Variants in SVIL observed in about 807,000 individuals in gnomAD.
The protein encoded by SVIL is archvillin.
Under a neutral mutation model 240.4 loss-of-function variants are expected in SVIL, and 101 were observed. The ratio of observed to expected loss-of-function variants is 0.42; its 90% CI spans 0.36 to 0.50. The LOEUF is 0.50. Ranked by LOEUF, SVIL falls within the 20% of genes least tolerant of loss-of-function variation. SVIL has a pLI of 0.01. For missense variants in SVIL, 2,512 were observed against 2,818.7 expected (o/e 0.89, Z 2.46); for synonymous variants, 999 against 1,100.0 (o/e 0.91, Z 1.82).
At chr10:29,685,570 C>T (rs751575839) in intron 2 of SVIL, among the ~76,000 whole-genome samples, 4 of 152,228 alleles carry the variant, frequency 2.6e-5, no homozygotes, top group African/African-American at 4.8e-5. Flanking sequence ...TCCACAACCT[C>T]GCCGGCATCT....
chr10:29,529,606 T>C (rs2132555023), intron 12 of SVIL, 99 bp downstream of exon 12: 1 of 1,379,766 alleles, frequency 7.2e-7, no homozygotes, highest in East Asian at 2.6e-5. Context: ...TCTAGCTAAA[T>C]CACCTCCCCA....
chr10:29,493,221 C>A lies in SVIL; in HGVS notation c.4012G>T (p.Ala1338Ser). 6.2e-7 allele frequency: 1 copy of A among 1,613,904 alleles called. No homozygotes were observed. The highest frequency in any genetic ancestry group is 2.2e-5 in the East Asian group (1 of 44,852). ...GAGACCCAAATAACTCACTTGGGTG[C>A]ATAAGGATCGAAAATGACATCGAAG... ...EDFDVIFDPY[A>S]PKLTSSVAEH... The change falls in exon 21 of 38, where the codon GCA (alanine) becomes TCA (serine). Residue 1338 changes from alanine (A) to serine (S), a missense_variant. Coordinates refer to ENST00000355867, the MANE Select transcript of SVIL (RefSeq NM_021738.3).
chr10:29,630,229 G>C (rs921672266), intron 1 of SVIL, among the ~76,000 whole-genome samples: 1 of 152,162 alleles, frequency 6.6e-6, no homozygotes, highest in African/African-American at 2.4e-5. Flanking sequence ...CAAAAATATG[G>C]ACTGAAATGA....
intron 1 of SVIL, among the ~76,000 whole-genome samples, chr10:29,729,200 A>C (rs1175963992): frequency 6.6e-6 from 1 of 152,146 alleles, no homozygotes; most frequent in Admixed American, 6.5e-5. Context: ...TTGGGGGGAC[A>C]ACATAGTCAC....
intron 2 of SVIL, among the ~76,000 whole-genome samples, chr10:29,566,674 C>T (rs1170620750): frequency 2.0e-5 from 3 of 152,182 alleles, no homozygotes; most frequent in South Asian, 4.1e-4. Flanking sequence ...GCTCATCTGA[C>T]GCTGATGAAA....
In SVIL at chr10:29,526,952, G is replaced by C. The variant is rs1425775743; in HGVS notation, c.2342+9C>G. The C allele has an allele frequency of 6.3e-7, 1 of 1,588,526 alleles. No homozygotes were observed. Among genetic ancestry groups the C allele is most frequent in the East Asian group, 2.2e-5 (1 of 44,566 alleles). Reference sequence around the variant, plus strand: ...CCGGGTGCCGCATGCATCTGTATCTGTCCAGTACCTGGCAGGCTGCACAGC... The same window carrying C: ...CCGGGTGCCGCATGCATCTGTATCTCTCCAGTACCTGGCAGGCTGCACAGC... On this transcript the variant is annotated intron_variant, in intron 13 of 37. Coordinates refer to ENST00000355867, the MANE Select transcript of SVIL (RefSeq NM_021738.3).
chr10:29,571,504 T>C (rs895250108), intron 1 of SVIL, among the ~76,000 whole-genome samples: 1 of 152,182 alleles, frequency 6.6e-6, no homozygotes, highest in Non-Finnish European at 1.5e-5. Context: ...TGGCTTTGGC[T>C]AAGTTAAGTG....
At chr10:29,731,298 G>T (rs1964607551) in intron 1 of SVIL, among the ~76,000 whole-genome samples, 1 of 152,174 alleles carries the variant, frequency 6.6e-6, no homozygotes, top group Admixed American at 6.5e-5. Flanking sequence ...CAGAAGATTT[G>T]CTGAATTAAA....
intron 1 of SVIL, among the ~76,000 whole-genome samples, chr10:29,729,967 T>G (rs1964525922): frequency 6.7e-6 from 1 of 149,304 alleles, no homozygotes; most frequent in East Asian, 2.0e-4. Flanking sequence ...GGCAGAAGGA[T>G]CACTTGAGCC....
chr10:29,513,143 C>A (rs1949970960), intron 16 of SVIL, among the ~76,000 whole-genome samples: 1 of 152,206 alleles, frequency 6.6e-6, no homozygotes, highest in South Asian at 2.1e-4. Flanking sequence ...GATGTCTGTT[C>A]CTTGGCCTTG....
At chr10:29,723,971 A>G (rs1363351904) in intron 1 of SVIL, among the ~76,000 whole-genome samples, 1 of 152,190 alleles carries the variant, frequency 6.6e-6, no homozygotes, top group African/African-American at 2.4e-5. Context: ...TCTAGCTGAA[A>G]TGGAAAATAA....
At chr10:29,535,944 G>C in intron 7 of SVIL, 45 bp downstream of exon 7, 2 of 1,590,922 alleles carry the variant, frequency 1.3e-6, no homozygotes, top group Non-Finnish European at 1.7e-6. Flanking sequence ...GCAGGAGGAA[G>C]CAACACTCAT....
intron 1 of SVIL, among the ~76,000 whole-genome samples, chr10:29,733,557 G>A (rs150350071): frequency 3.2e-4 from 49 of 152,210 alleles, no homozygotes; most frequent in African/African-American, 1.1e-3. Context: ...CTCCCACCTC[G>A]GCCTCCCAAA....
intron 1 of SVIL, among the ~76,000 whole-genome samples, chr10:29,706,968 T>G (rs188199291): frequency 5.0e-4 from 76 of 152,330 alleles, no homozygotes; most frequent in Middle Eastern, 3.4e-3. Flanking sequence ...GTATTATTTC[T>G]GAGGTCTCTG....
At chr10:29,594,074 A>G (rs1956488880) in intron 1 of SVIL, among the ~76,000 whole-genome samples, 1 of 152,200 alleles carries the variant, frequency 6.6e-6, no homozygotes, top group Non-Finnish European at 1.5e-5. Flanking sequence ...ACATGAGACA[A>G]TGACACTTTT....
intron 1 of SVIL, among the ~76,000 whole-genome samples, chr10:29,575,548 A>C (rs1351130867): frequency 6.6e-6 from 1 of 152,196 alleles, no homozygotes; most frequent in Non-Finnish European, 1.5e-5. Context: ...TAAGTGTTTA[A>C]GTTTCCTATA....
rs1291683929 is a variant in SVIL at position 29,508,133 on chromosome 10, T to C, written c.3516+4602A>G. The C allele has an allele frequency of 1.3e-5, 4 of 307,028 alleles. No individual in the cohort carries two copies. The East Asian group carries it at 3.3e-4, about 25-fold the overall frequency. The allele number at this position is 307,028 out of a possible 1,614,324, so 19.0% of individuals were successfully genotyped here. The stretch of plus-strand genomic sequence containing the variant: ...TTTTAACATTTAACAGAAAATATCA[T>C]CTTCTTTAAAGTATCTTCATTACAT... On this transcript the variant is annotated intron_variant, in intron 17 of 37. Coordinates refer to ENST00000355867, the MANE Select transcript of SVIL (RefSeq NM_021738.3).
In SVIL at chr10:29,634,552, C is replaced by T. The variant is rs1334077788; in HGVS notation, c.-333G>A. ...CCTCGAATCCAGCTTTTGATGTCTT[C>T]GAGTATTTTCTTGGAGTCTCTTTCC... On this transcript the variant is annotated 5_prime_UTR_variant, in exon 1 of 38. Coordinates refer to ENST00000355867, the MANE Select transcript of SVIL (RefSeq NM_021738.3). 2 of 152,128 alleles carry T rather than the reference C, an allele frequency of 1.3e-5. No individual in the cohort carries two copies. Among genetic ancestry groups the T allele is most frequent in the Non-Finnish European group, 2.9e-5 (2 of 68,020 alleles). The allele number at this position is 152,128 out of a possible 1,614,324, so 9.4% of individuals were successfully genotyped here.
At chr10:29,480,398 C>T (rs1946697641) in intron 29 of SVIL, 139 bp downstream of exon 29, 2 of 1,054,998 alleles carry the variant, frequency 1.9e-6, no homozygotes, top group Non-Finnish European at 2.8e-6. Flanking sequence ...TACTAGGTGG[C>T]TCTCAAAGGC....
Sources: allele counts gnomAD v4.1 joint callset (sites outside exome capture counted in the v4.1 genomes callset), GRCh38; gene constraint gnomAD v4.1.1; transcripts MANE v1.5; gene names NCBI Gene and HGNC (gene_info 2026-07-23, HGNC 2026-07-21).